LRCH2: variants seen among roughly 807,000 people sequenced by gnomAD.
LRCH2 encodes the protein leucine-rich repeat and calponin homology domain-containing protein 2.
LRCH2 carries 38 observed loss-of-function variants against 68.9 expected under a neutral mutation model. The ratio of observed to expected loss-of-function variants is 0.55; its 90% CI spans 0.43 to 0.72. LRCH2 has a LOEUF of 0.72. Among genes scored for constraint, LRCH2 ranks in the 30% least tolerant of loss-of-function variants. The probability of loss-of-function intolerance (pLI) is 0.00; values close to 1 mark genes in which losing one functional copy is unlikely to be tolerated. For missense variants in LRCH2, 528 were observed against 572.9 expected (o/e 0.92, Z 0.80); for synonymous variants, 191 against 208.1 (o/e 0.92, Z 0.71).
At chrX:115,135,521 AG>A (rs1192950644) in intron 14 of LRCH2, among the ~76,000 whole-genome samples, 1 of 111,726 alleles carries the variant, frequency 9.0e-6, no homozygotes, top group African/African-American at 3.3e-5. Context: ...TGTGCAAAAA[AG>A]GTAGGGATTT....
At chrX:115,128,963 G>A (rs373728434) in intron 15 of LRCH2, among the ~76,000 whole-genome samples, 4 of 112,212 alleles carry the variant, frequency 3.6e-5, no homozygotes, top group East Asian at 2.8e-4. Context: ...TTAGTGTACA[G>A]CCAAAGTTGA....
chrX:115,131,457 A>C (rs1422057832), intron 14 of LRCH2, among the ~76,000 whole-genome samples: 1 of 111,474 alleles, frequency 9.0e-6, no homozygotes, highest in African/African-American at 3.3e-5. Context: ...ATGGCTGCAG[A>C]GTATTCCATG....
chrX:115,198,570 G>A (rs2072908090), intron 1 of LRCH2: 2 of 151,289 alleles, frequency 1.3e-5, no homozygotes, highest in Admixed American at 6.4e-5. Flanking sequence ...GATCCAAGAG[G>A]TATGTGGCTT....
chrX:115,203,469 T>C lies in LRCH2; in HGVS notation c.350-15099A>G, dbSNP rs5988235. On this transcript the variant is annotated intron_variant, in intron 1 of 20. Transcript: ENST00000317135. ...AAGTCAAAAGTCCAACTCCAAAGTC[T>C]CATCTGAGACAAGGCAAGTCCCATT... Among the ~76,000 whole-genome samples, 789 of 112,059 alleles carry C rather than the reference T, an allele frequency of 7.0e-3. 7 individuals are homozygous for C. Among genetic ancestry groups the C allele is most frequent in the African/African-American group, 0.024 (745 of 30,822 alleles).
intron 2 of LRCH2, among the ~76,000 whole-genome samples, chrX:115,186,176 C>T (rs1478779713): frequency 9.0e-6 from 1 of 110,839 alleles, no homozygotes; most frequent in Non-Finnish European, 1.9e-5. Flanking sequence ...GCCTGGCCAA[C>T]GTGGTGAAAC....
intron 14 of LRCH2, among the ~76,000 whole-genome samples, chrX:115,140,610 C>T (rs1393523130): frequency 9.1e-6 from 1 of 109,871 alleles, no homozygotes; most frequent in Admixed American, 9.7e-5. Context: ...TGCCCCAAGC[C>T]AGAATTCAGG....
intron 2 of LRCH2, among the ~76,000 whole-genome samples, chrX:115,185,263 T>C (rs1159703102): frequency 8.9e-6 from 1 of 112,053 alleles, no homozygotes; most frequent in Non-Finnish European, 1.9e-5. Context: ...CAGCAGGTCA[T>C]GTGAATTAAC....
At chrX:115,233,630 G>GCAGCCACC in intron 1 of LRCH2, 63 bp downstream of exon 1, 1 of 1,044,161 alleles carries the variant, frequency 9.6e-7, no homozygotes, top group Non-Finnish European at 1.3e-6. Flanking sequence ...ACGCAGCCAC[G>GCAGCCACC]CAGCCACCCA....
At position 115,156,601 on chromosome X, in the gene LRCH2, C is replaced by A; in HGVS notation, c.1529+1G>T. The A allele has an allele frequency of 8.9e-7, 1 of 1,119,456 alleles. No individual in the cohort carries two copies. Among genetic ancestry groups the A allele is most frequent in the Non-Finnish European group, 1.2e-6 (1 of 840,876 alleles). 92.3% of individuals were successfully genotyped at this position (1,119,456 alleles called of 1,213,427 possible). On this transcript the variant is annotated splice_donor_variant, in intron 12 of 20. Coordinates refer to ENST00000317135, the MANE Select transcript of LRCH2 (RefSeq NM_020871.4). LOFTEE classifies it high-confidence loss of function. ...ATGTAAAAACTAAGATATTTTTATA[C>A]CTCTTTTCACATTCCACAGTTTGTT...
At chrX:115,155,641 C>T (rs1203764413) in intron 12 of LRCH2, among the ~76,000 whole-genome samples, 1 of 111,845 alleles carries the variant, frequency 8.9e-6, no homozygotes, top group East Asian at 2.8e-4. Flanking sequence ...ACATATGTGA[C>T]ACTTTCTGTG....
At chrX:115,189,620 C>A in intron 1 of LRCH2, 30 of 1,169,389 alleles carry the variant, frequency 2.6e-5, no homozygotes, top group Non-Finnish European at 3.4e-5. Context: ...GAAAGCCCTG[C>A]AGACGCCAAG....
chrX:115,166,211 A>C lies in LRCH2; in HGVS notation c.1086+44T>G, dbSNP rs375648719. On this transcript the variant is annotated intron_variant, in intron 7 of 20. Transcript: ENST00000317135. The stretch of plus-strand genomic sequence containing the variant: ...CAAGGGTCTCTATTTCAATGCTCTA[A>C]TAAAATTGTAAAACAGAATGGATCA... 3 of 984,018 alleles carry C rather than the reference A, an allele frequency of 3.0e-6. No homozygotes were observed. In the African/African-American group the frequency reaches 5.7e-5, roughly 19 times the overall value. The allele number at this position is 984,018 out of a possible 1,213,427, so 81.1% of individuals were successfully genotyped here. A position where few individuals can be genotyped will look rare whatever the true frequency, so the allele number is the denominator to read the frequency against.
At chrX:115,118,360 C>T (rs2072102918) in intron 20 of LRCH2, among the ~76,000 whole-genome samples, 3 of 109,883 alleles carry the variant, frequency 2.7e-5, no homozygotes, top group Admixed American at 1.9e-4. Context: ...CACAGAAAAA[C>T]GAACTACCAC....
chrX:115,139,132 T>C (rs1556533104), intron 14 of LRCH2: 1 of 111,902 alleles, frequency 8.9e-6, no homozygotes, highest in African/African-American at 3.2e-5. Context: ...CCTCAGAAGC[T>C]TGTAATAATT....
intron 14 of LRCH2, among the ~76,000 whole-genome samples, chrX:115,147,081 G>A (rs1415901264): frequency 3.6e-5 from 4 of 110,857 alleles, no homozygotes; most frequent in Middle Eastern, 9.4e-3. Context: ...TGTACATTTC[G>A]TAACATAGCA....
At chrX:115,124,083 T>A (rs1293568087) in intron 16 of LRCH2, 81 bp from the exon 17 acceptor site, 2 of 514,532 alleles carry the variant, frequency 3.9e-6, no homozygotes, top group Admixed American at 5.0e-5. Context: ...CTTATTCACA[T>A]CCATTCCAAT....
intron 1 of LRCH2, among the ~76,000 whole-genome samples, chrX:115,193,962 G>T (rs2072867900): frequency 9.0e-6 from 1 of 111,441 alleles, no homozygotes; most frequent in South Asian, 3.8e-4. Context: ...GTCAGGAAGA[G>T]CATCCAGCCT....
At position 115,234,049 on chromosome X, in the gene LRCH2, G is replaced by T; in HGVS notation, c.-8C>A. On this transcript the variant is annotated 5_prime_UTR_variant, in exon 1 of 21. Coordinates refer to ENST00000317135, the MANE Select transcript of LRCH2 (RefSeq NM_020871.4). ...TCCCTGACTCGCCGCCATGTTCCTG[G>T]GAGAGAGAATAGCCCCCGACAATAC... is the stretch of plus-strand genomic sequence containing the variant. The T allele has an allele frequency of 8.6e-7, 1 of 1,163,992 alleles. No individual in the cohort carries two copies. The highest frequency in any genetic ancestry group is 1.1e-6 in the Non-Finnish European group (1 of 871,404).
At chrX:115,171,785 C>G (rs1257756355) in intron 5 of LRCH2, among the ~76,000 whole-genome samples, 1 of 108,858 alleles carries the variant, frequency 9.2e-6, no homozygotes, top group Non-Finnish European at 1.9e-5. Context: ...ATCCTGGGCT[C>G]AAGTGATCCT....
Sources: gnomAD v4.1 joint callset for allele counts (sites outside exome capture counted in the v4.1 genomes callset) on GRCh38, gnomAD v4.1.1 for gene constraint, MANE v1.5 for transcripts, NCBI Gene and HGNC (gene_info 2026-07-23, HGNC 2026-07-21) for gene names.